NKAIN3: variants seen among roughly 807,000 people sequenced by gnomAD.
NKAIN3 encodes sodium/potassium-transporting ATPase subunit beta-1-interacting protein 3.
A neutral mutation model predicts 30.2 loss-of-function variants in NKAIN3; 25 were observed. That is an observed-to-expected ratio of 0.83 (90% CI 0.60 to 1.16). The LOEUF is 1.16. NKAIN3 is among the 50% of genes most tolerant of loss of function. The probability of loss-of-function intolerance (pLI) is 0.00; values close to 1 mark genes in which losing one functional copy is unlikely to be tolerated. For synonymous variants in NKAIN3, 91 were observed against 89.6 expected (o/e 1.02, Z -0.09); for missense variants, 225 against 254.1 (o/e 0.89, Z 0.78).
At chr8:62,946,014 ATACTC>A (rs1242489998) in intron 5 of NKAIN3, among the ~76,000 whole-genome samples, 1 of 152,208 alleles carries the variant, frequency 6.6e-6, no homozygotes, top group African/African-American at 2.4e-5. Context: ...CTTGGACTGC[ATACTC>A]TATTCTTCCA....
At chr8:62,532,500 G>A (rs957890521) in intron 1 of NKAIN3, among the ~76,000 whole-genome samples, 1 of 152,142 alleles carries the variant, frequency 6.6e-6, no homozygotes, top group African/African-American at 2.4e-5. Context: ...TCATAGAGCT[G>A]GGAAGCTAAT....
intron 4 of NKAIN3, among the ~76,000 whole-genome samples, chr8:62,794,349 A>G (rs1469576404): frequency 2.0e-5 from 3 of 152,162 alleles, no homozygotes. Flanking sequence ...TATGTCGTGT[A>G]TAAGTACATG....
intron 1 of NKAIN3, among the ~76,000 whole-genome samples, chr8:62,320,804 A>T (rs893210518): frequency 6.6e-6 from 1 of 152,010 alleles, no homozygotes; most frequent in Non-Finnish European, 1.5e-5. Context: ...TCTGACAATT[A>T]TGTGTCTTGG....
At chr8:62,872,895 G>A (rs999953883) in intron 4 of NKAIN3, among the ~76,000 whole-genome samples, 1 of 152,104 alleles carries the variant, frequency 6.6e-6, no homozygotes, top group African/African-American at 2.4e-5. Flanking sequence ...ACTGGTACCA[G>A]CCACTGCAAA....
chr8:62,657,313 T>C (rs1250259854), intron 3 of NKAIN3, among the ~76,000 whole-genome samples: 1 of 152,198 alleles, frequency 6.6e-6, no homozygotes, highest in African/African-American at 2.4e-5. Flanking sequence ...ATATTCACTT[T>C]AATAGACTGG....
At chr8:62,772,876 G>A (rs1817066844) in intron 4 of NKAIN3, among the ~76,000 whole-genome samples, 1 of 152,004 alleles carries the variant, frequency 6.6e-6, no homozygotes, top group South Asian at 2.1e-4. Flanking sequence ...GGCCAGGTTG[G>A]TCTCGAACTC....
At chr8:62,429,455 C>T (rs1405747318) in intron 1 of NKAIN3, among the ~76,000 whole-genome samples, 1 of 151,854 alleles carries the variant, frequency 6.6e-6, no homozygotes, top group Non-Finnish European at 1.5e-5. Flanking sequence ...TGAGATGAAT[C>T]CCACCTGATC....
rs1187732402 is a variant in NKAIN3, at chr8:62,732,508, T to C, written c.274-14424T>C. On this transcript the variant is annotated intron_variant, in intron 3 of 6. Coordinates refer to ENST00000623646, the MANE Select transcript of NKAIN3 (RefSeq NM_001304533.3). The stretch of plus-strand genomic sequence containing the variant: ...AAATGCTTCATGTGTAATTTTATAA[T>C]GTATAAATGTATATTTTCTAATTTA... Among the ~76,000 whole-genome samples, 5 of 152,122 alleles carry C rather than the reference T, an allele frequency of 3.3e-5. No individual in the cohort carries two copies. In the East Asian group the frequency reaches 9.6e-4, roughly 29 times the overall value.
At chr8:62,682,230 A>G (rs1379270954) in intron 3 of NKAIN3, among the ~76,000 whole-genome samples, 5 of 152,104 alleles carry the variant, frequency 3.3e-5, no homozygotes, top group African/African-American at 1.2e-4. Context: ...AAACCTAAAG[A>G]TCCAGATTAC....
rs1320447795 is a variant in NKAIN3 at position 62,682,878 on chromosome 8, C to T, written c.274-64054C>T. ...CAGACACACCTAACTCTGCCCCAAC[C>T]TGATGGTCTTTCTCTACCCACCCTG... is the stretch of plus-strand genomic sequence containing the variant. On this transcript the variant is annotated intron_variant, in intron 3 of 6. Transcript: ENST00000623646. Among the ~76,000 whole-genome samples, 3 of 152,278 alleles carry T rather than the reference C, an allele frequency of 2.0e-5. No homozygotes were observed. In the East Asian group the frequency reaches 5.8e-4, roughly 29 times the overall value.
intron 1 of NKAIN3, among the ~76,000 whole-genome samples, chr8:62,494,548 G>T (rs985355304): frequency 4.6e-5 from 7 of 152,228 alleles, no homozygotes; most frequent in Non-Finnish European, 7.4e-5. Context: ...GAGTTGAGGA[G>T]GAGTCACTCT....
chr8:62,845,285 T>TTATATATATATATA (rs10525699), intron 4 of NKAIN3, among the ~76,000 whole-genome samples: 6,268 of 68,112 alleles, frequency 0.092, 744 homozygotes, highest in Middle Eastern at 0.16. Context: ...GGATAGTAGA[T>TTATATATATATATA]TATATATATA....
intron 4 of NKAIN3, among the ~76,000 whole-genome samples, chr8:62,818,550 T>C (rs145682026): frequency 0.012 from 1,764 of 149,402 alleles, 16 homozygotes; most frequent in Non-Finnish European, 0.02. Flanking sequence ...TTGTGTCTTG[T>C]TTGTTCATTT....
chr8:62,947,116 T>C (rs1823146204), intron 5 of NKAIN3, among the ~76,000 whole-genome samples: 1 of 152,192 alleles, frequency 6.6e-6, no homozygotes, highest in Non-Finnish European at 1.5e-5. Context: ...AATAAAGTCA[T>C]TTAATGGATA....
intron 4 of NKAIN3, among the ~76,000 whole-genome samples, chr8:62,892,616 T>C (rs558963840): frequency 6.6e-6 from 1 of 152,206 alleles, no homozygotes; most frequent in Non-Finnish European, 1.5e-5. Flanking sequence ...AATTCAAATA[T>C]GAAGAACAGG....
At chr8:62,625,992 CTG>C (rs1366579298) in intron 3 of NKAIN3, among the ~76,000 whole-genome samples, 1 of 152,016 alleles carries the variant, frequency 6.6e-6, no homozygotes. Flanking sequence ...GTCGAGGAAA[CTG>C]AGACTTGAAT....
chr8:62,803,444 C>T (rs1818148288), intron 4 of NKAIN3, among the ~76,000 whole-genome samples: 1 of 152,148 alleles, frequency 6.6e-6, no homozygotes, highest in Non-Finnish European at 1.5e-5. Context: ...CAAACTAGAA[C>T]TCAGGATTCA....
chr8:62,649,278 G>A (rs111445769), intron 3 of NKAIN3, among the ~76,000 whole-genome samples: 148 of 152,158 alleles, frequency 9.7e-4, no homozygotes, highest in Admixed American at 1.2e-3. Context: ...CCTATTCTTG[G>A]TTTATTTGGT....
intron 1 of NKAIN3, among the ~76,000 whole-genome samples, chr8:62,294,844 C>T (rs1402997868): frequency 6.6e-6 from 1 of 152,124 alleles, no homozygotes; most frequent in East Asian, 1.9e-4. Flanking sequence ...TGCACCTGGC[C>T]TCCTGTCGAA....
Sources: allele counts gnomAD v4.1 joint callset (sites outside exome capture counted in the v4.1 genomes callset), GRCh38; gene constraint gnomAD v4.1.1; transcripts MANE v1.5; gene names NCBI Gene and HGNC (gene_info 2026-07-23, HGNC 2026-07-21).